The following DLG2 variants were observed in gnomAD, a reference collection of about 807,000 sequenced individuals.
DLG2 encodes the protein disks large homolog 2.
A neutral mutation model predicts 132.5 loss-of-function variants in DLG2; 45 were observed. The ratio of observed to expected loss-of-function variants is 0.34; its 90% CI spans 0.27 to 0.44. The LOEUF (loss-of-function observed/expected upper bound fraction) is 0.44. Ranked by LOEUF, DLG2 falls within the 20% of genes least tolerant of loss-of-function variation. DLG2 has a pLI of 1.00. For missense variants in DLG2, 1,045 were observed against 1,196.9 expected (o/e 0.87, Z 1.87); for synonymous variants, 424 against 419.6 (o/e 1.01, Z -0.13).
chr11:84,369,704 T>C (rs2098698418), intron 7 of DLG2, among the ~76,000 whole-genome samples: 1 of 152,160 alleles, frequency 6.6e-6, no homozygotes, highest in African/African-American at 2.4e-5. Flanking sequence ...AATTTTGTAA[T>C]GTGACATAAA....
intron 7 of DLG2, among the ~76,000 whole-genome samples, chr11:84,385,876 T>A (rs556505515): frequency 6.6e-6 from 1 of 152,210 alleles, no homozygotes; most frequent in South Asian, 2.1e-4. Flanking sequence ...GAAATTGCTA[T>A]AGAAGCTCAA....
intron 14 of DLG2, among the ~76,000 whole-genome samples, chr11:83,935,821 A>T (rs1467719614): frequency 6.6e-6 from 1 of 152,242 alleles, no homozygotes; most frequent in South Asian, 2.1e-4. Flanking sequence ...GTTAAGTACA[A>T]GCAAACCAAA....
chr11:84,047,255 TTTA>T (rs1407705266), intron 11 of DLG2, among the ~76,000 whole-genome samples: 1 of 151,682 alleles, frequency 6.6e-6, no homozygotes, highest in Non-Finnish European at 1.5e-5. Context: ...AAATAAAATA[TTTA>T]TTGAGTGAAT....
At chr11:84,674,121 A>G (rs1318242536) in intron 6 of DLG2, among the ~76,000 whole-genome samples, 2 of 152,188 alleles carry the variant, frequency 1.3e-5, no homozygotes, top group African/African-American at 4.8e-5. Context: ...TGAAAGCAAC[A>G]TAGTGATGAG....
At chr11:85,494,222 C>A (rs1469661678) in intron 3 of DLG2, among the ~76,000 whole-genome samples, 1 of 152,150 alleles carries the variant, frequency 6.6e-6, no homozygotes, top group African/African-American at 2.4e-5. Flanking sequence ...CCACAGCAAA[C>A]CTTACTGTCT....
At chr11:85,308,202 A>AAATAAAATAAAATAAAATAAAATAAAAT (rs1555044717) in intron 3 of DLG2, among the ~76,000 whole-genome samples, 1 of 150,708 alleles carries the variant, frequency 6.6e-6, no homozygotes, top group Non-Finnish European at 1.5e-5. Flanking sequence ...AAATAAAACA[A>AAATAAAATAAAATAAAATAAAATAAAAT]GAAAGAAAAG....
chr11:84,799,672 C>A (rs1034979037), intron 6 of DLG2, among the ~76,000 whole-genome samples: 2 of 151,996 alleles, frequency 1.3e-5, no homozygotes, highest in African/African-American at 4.8e-5. Context: ...TTTTGAGACT[C>A]TCTTCTTCTT....
chr11:84,662,719 G>A (rs1211985189), intron 6 of DLG2, among the ~76,000 whole-genome samples: 11 of 148,170 alleles, frequency 7.4e-5, no homozygotes, highest in African/African-American at 1.5e-4. Flanking sequence ...CCTGGGAGGC[G>A]GAGGTTGTGG....
At position 85,365,192 on chromosome 11, in the gene DLG2, C is replaced by T. The variant is rs189361780; in HGVS notation, c.41-79827G>A. Among the ~76,000 whole-genome samples the T allele has an allele frequency of 2.5e-3, 384 of 152,224 alleles. 5 individuals are homozygous for T. The highest frequency in any genetic ancestry group is 8.6e-3 in the African/African-American group (356 of 41,546). ...ATCCCACCTTGCTGACTCTCAGGAG[C>T]GGCTCTTTTTGTAATACTATCCTAA... On this transcript the variant is annotated intron_variant, in intron 3 of 27. Coordinates refer to ENST00000376104, the MANE Select transcript of DLG2 (RefSeq NM_001142699.3).
At chr11:85,443,590 C>G in intron 3 of DLG2, among the ~76,000 whole-genome samples, 1 of 152,312 alleles carries the variant, frequency 6.6e-6, no homozygotes, top group East Asian at 1.9e-4. Flanking sequence ...TTTCTCAACA[C>G]CTCTGTTTCT....
intron 15 of DLG2, among the ~76,000 whole-genome samples, chr11:83,883,655 AAT>A (rs1224913624): frequency 6.6e-6 from 1 of 152,176 alleles, no homozygotes; most frequent in African/African-American, 2.4e-5. Flanking sequence ...CCAGGAGCAA[AAT>A]ATAGTGTTTT....
chr11:85,594,929 G>A (rs1040906390), intron 3 of DLG2, among the ~76,000 whole-genome samples: 6 of 151,824 alleles, frequency 4.0e-5, no homozygotes, highest in Admixed American at 6.6e-5. Context: ...AGCCAGGAGT[G>A]GTGGTGCATG....
At chr11:85,297,801 A>G (rs1004347361) in intron 3 of DLG2, among the ~76,000 whole-genome samples, 1 of 152,146 alleles carries the variant, frequency 6.6e-6, no homozygotes, top group Non-Finnish European at 1.5e-5. Flanking sequence ...AGGGTATTCA[A>G]GTATGGAGGC....
chr11:85,042,879 G>C (rs1566719251), intron 6 of DLG2, among the ~76,000 whole-genome samples: 1 of 151,810 alleles, frequency 6.6e-6, no homozygotes, highest in African/African-American at 2.4e-5. Flanking sequence ...AGAAAATAAA[G>C]GAGGAAAATA....
At chr11:84,246,403 T>C (rs924031162) in intron 8 of DLG2, among the ~76,000 whole-genome samples, 25 of 152,316 alleles carry the variant, frequency 1.6e-4, no homozygotes, top group African/African-American at 6.0e-4. Context: ...TATCCTGGTA[T>C]AGTAGTTTCT....
intron 3 of DLG2, among the ~76,000 whole-genome samples, chr11:85,512,379 T>G (rs2094092909): frequency 6.6e-6 from 1 of 152,122 alleles, no homozygotes. Flanking sequence ...ATGCATACAG[T>G]TTTTATTCTA....
chr11:83,713,700 G>A (rs1158130395), intron 18 of DLG2, among the ~76,000 whole-genome samples: 1 of 152,202 alleles, frequency 6.6e-6, no homozygotes, highest in Admixed American at 6.5e-5. Flanking sequence ...CTTTTAAAAT[G>A]AGGGATGAAT....
intron 7 of DLG2, among the ~76,000 whole-genome samples, chr11:84,371,839 A>G (rs1021574144): frequency 8.5e-5 from 13 of 152,306 alleles, no homozygotes; most frequent in African/African-American, 2.6e-4. Context: ...TATATAAGGA[A>G]GATTTATTTC....
intron 19 of DLG2, among the ~76,000 whole-genome samples, chr11:83,561,525 T>C (rs1249819410): frequency 6.6e-6 from 1 of 152,220 alleles, no homozygotes; most frequent in Non-Finnish European, 1.5e-5. Context: ...TGGTTTTCCT[T>C]AAAGATCATA....
Sources: gnomAD v4.1 joint callset for allele counts (sites outside exome capture counted in the v4.1 genomes callset) on GRCh38, gnomAD v4.1.1 for gene constraint, MANE v1.5 for transcripts, NCBI Gene and HGNC (gene_info 2026-07-23, HGNC 2026-07-21) for gene names.